KTN1: variants seen among roughly 807,000 people sequenced by gnomAD.
KTN1 encodes kinectin 1.
Under a neutral mutation model 222.5 loss-of-function variants are expected in KTN1, and 130 were observed. The ratio of observed to expected loss-of-function variants is 0.58; its 90% CI spans 0.51 to 0.68. The LOEUF is 0.68. Ranked by LOEUF, KTN1 falls within the 30% of genes least tolerant of loss-of-function variation. The pLI is 0.00. For synonymous variants in KTN1, 512 were observed against 496.3 expected (o/e 1.03, Z -0.42); for missense variants, 1,508 against 1,500.4 (o/e 1.01, Z -0.08).
intron 21 of KTN1, 50 bp from the exon 22 acceptor site, chr14:55,649,726 C>G: frequency 9.5e-7 from 1 of 1,051,592 alleles, no homozygotes; most frequent in Non-Finnish European, 1.4e-6. Context: ...TATTTCTGAC[C>G]CATTTCTATT....
intron 7 of KTN1, among the ~76,000 whole-genome samples, chr14:55,631,658 A>G (rs2040553672): frequency 2.6e-5 from 4 of 152,102 alleles, no homozygotes; most frequent in Admixed American, 2.6e-4. Context: ...TGGCATGCCC[A>G]TGGTCCCAAT....
At chr14:55,603,382 A>G (rs547557457) in intron 1 of KTN1, among the ~76,000 whole-genome samples, 1 of 152,236 alleles carries the variant, frequency 6.6e-6, no homozygotes, top group Non-Finnish European at 1.5e-5. Context: ...TGCTTTGGTC[A>G]AAGTCACCAG....
intron 1 of KTN1, among the ~76,000 whole-genome samples, chr14:55,597,964 G>A (rs1427175266): frequency 2.6e-5 from 4 of 152,262 alleles, no homozygotes; most frequent in East Asian, 1.9e-4. Flanking sequence ...TTTAATTGGT[G>A]TACTTAACTA....
Position 55,612,463 on chromosome 14 carries a change from C to G in KTN1, c.415C>G (p.Pro139Ala). The stretch of plus-strand genomic sequence containing the variant: ...CAAAGAAAGTGACGCATCAAAGATT[C>G]CTGGCAAAAAAGTAGAACCTGTCCC... ...VIKESDASKIPGKKVEPVPVT... is the reference protein window; with the variant it reads ...VIKESDASKIAGKKVEPVPVT... Residue 139 changes from proline (P) to alanine (A), a missense_variant, in exon 2 of 44, where the codon CCT becomes GCT. Coordinates refer to ENST00000395314, the MANE Select transcript of KTN1 (RefSeq NM_001079521.2). 1 of 1,614,028 alleles carries G rather than the reference C, an allele frequency of 6.2e-7. No homozygotes were observed. The highest frequency in any genetic ancestry group is 1.1e-5 in the South Asian group (1 of 91,056).
At position 55,648,026 on chromosome 14, in the gene KTN1, A is replaced by C. The variant is rs2042568239; in HGVS notation, c.2209A>C (p.Ile737Leu). 1.4e-6 allele frequency: 2 copies of C among 1,409,402 alleles called. No homozygotes were observed. Among genetic ancestry groups the C allele is most frequent in the Non-Finnish European group, 1.9e-6 (2 of 1,041,282 alleles). The allele number at this position is 1,409,402 out of a possible 1,614,324, so 87.3% of individuals were successfully genotyped here. ...TGTGTTACAAATTTATAATTTCAGCATTCAAGAAAAAGATGAGAAGTTAAA... is the reference window on the plus strand; with the variant it reads ...TGTGTTACAAATTTATAATTTCAGCCTTCAAGAAAAAGATGAGAAGTTAAA... ...KDVVEQMEKC[I>L]QEKDEKLKTV... is the part of the protein sequence containing the mutation. Residue 737 changes from isoleucine to leucine, a missense_variant and splice_region_variant, in exon 20 of 44, where the codon ATT (isoleucine) becomes CTT (leucine). Transcript: ENST00000395314.
chr14:55,671,508 T>G, intron 35 of KTN1, 58 bp from the exon 36 acceptor site: 1 of 1,297,224 alleles, frequency 7.7e-7, no homozygotes. Context: ...AAAACAAACT[T>G]GAAGCATAAA....
chr14:55,591,014 T>C (rs1157502345), intron 1 of KTN1, among the ~76,000 whole-genome samples: 1 of 152,184 alleles, frequency 6.6e-6, no homozygotes. Flanking sequence ...CTCTAACTCA[T>C]TTGGCTACTT....
chr14:55,667,200 T>C, intron 33 of KTN1, 41 bp from the exon 34 acceptor site: 1 of 1,154,020 alleles, frequency 8.7e-7, no homozygotes, highest in Non-Finnish European at 1.3e-6. Flanking sequence ...AAAAACATTC[T>C]GTGATCTTGT....
At chr14:55,627,432 T>G (rs2039978852) in intron 5 of KTN1, among the ~76,000 whole-genome samples, 1 of 152,186 alleles carries the variant, frequency 6.6e-6, no homozygotes, top group Non-Finnish European at 1.5e-5. Flanking sequence ...TTTTTAATCT[T>G]AGCACCTTTT....
chr14:55,661,680 AT>A, intron 32 of KTN1, 68 bp downstream of exon 32: 27 of 763,286 alleles, frequency 3.5e-5, no homozygotes, highest in South Asian at 1.1e-4. Context: ...TGGTTCAGGA[AT>A]TTTTTTTAAA....
intron 21 of KTN1, 49 bp downstream of exon 21, chr14:55,648,919 T>A: frequency 7.8e-7 from 1 of 1,281,886 alleles, no homozygotes; most frequent in Non-Finnish European, 1.1e-6. Context: ...TTTTTGTTTG[T>A]TTGTTTGTTG....
In KTN1 at chr14:55,646,908, C is replaced by G. The variant is rs376838961; in HGVS notation, c.2173-65C>G. The stretch of plus-strand genomic sequence containing the variant: ...AAACAATTTTCACAAAATTACATTT[C>G]TCATCTGGTTTTACTTCATGCAAAT... On this transcript the variant is annotated intron_variant, in intron 18 of 43. Coordinates refer to ENST00000395314, the MANE Select transcript of KTN1 (RefSeq NM_001079521.2). 3.7e-5 allele frequency: 37 copies of G among 990,102 alleles called. 1 individual carries two copies. In the African/African-American group the frequency reaches 5.5e-4, roughly 15 times the overall value. 61.3% of individuals were successfully genotyped at this position (990,102 alleles called of 1,614,324 possible).
chr14:55,630,714 C>G (rs2040410235), intron 7 of KTN1, among the ~76,000 whole-genome samples: 1 of 152,102 alleles, frequency 6.6e-6, no homozygotes. Context: ...GACTGGGGAG[C>G]CAGTGAAGGA....
At chr14:55,595,540 A>G (rs1183176085) in intron 1 of KTN1, among the ~76,000 whole-genome samples, 2 of 152,232 alleles carry the variant, frequency 1.3e-5, no homozygotes, top group African/African-American at 2.4e-5. Flanking sequence ...CTCATATTCA[A>G]CACATTTGTA....
chr14:55,660,358 A>G (rs1181383442), intron 31 of KTN1, among the ~76,000 whole-genome samples: 2 of 148,054 alleles, frequency 1.4e-5, no homozygotes, highest in East Asian at 2.0e-4. Context: ...AAATACATAC[A>G]TATAGTCTTT....
In KTN1 at chr14:55,680,987, G is replaced by T. The variant is rs997750967; in HGVS notation, c.4069+1302G>T. On this transcript the variant is annotated intron_variant, in intron 43 of 43. Coordinates refer to ENST00000395314, the MANE Select transcript of KTN1 (RefSeq NM_001079521.2). ...CTTATTCTTTCCACTGGCTCCCTCT[G>T]TTCAGTCTTGAAAACATGCTCAGAT... 3.2e-5 allele frequency: 10 copies of T among 311,290 alleles called. No homozygotes were observed. In the East Asian group the frequency reaches 7.8e-4, roughly 24 times the overall value. The allele number at this position is 311,290 out of a possible 1,614,324, so 19.3% of individuals were successfully genotyped here.
At chr14:55,676,521 C>G (rs187581539) in intron 41 of KTN1, among the ~76,000 whole-genome samples, 1 of 152,042 alleles carries the variant, frequency 6.6e-6, no homozygotes, top group Non-Finnish European at 1.5e-5. Flanking sequence ...ATTAGCAAAA[C>G]AAGTGTCACT....
intron 9 of KTN1, among the ~76,000 whole-genome samples, 183 bp from the exon 10 acceptor site, chr14:55,636,266 T>C (rs1008562379): frequency 4.6e-5 from 7 of 152,196 alleles, no homozygotes; most frequent in Admixed American, 2.6e-4. Flanking sequence ...TGGCTATGGC[T>C]GATAAATAAA....
chr14:55,672,481 AT>A (rs1220007985), intron 37 of KTN1, 148 bp from the exon 38 acceptor site: 1 of 551,636 alleles, frequency 1.8e-6, no homozygotes, highest in East Asian at 3.0e-5. Flanking sequence ...AATGTGACTC[AT>A]TTTTAAGGTC....
Sources: gnomAD v4.1 joint callset for allele counts (sites outside exome capture counted in the v4.1 genomes callset) on GRCh38, gnomAD v4.1.1 for gene constraint, MANE v1.5 for transcripts, NCBI Gene and HGNC (gene_info 2026-07-23, HGNC 2026-07-21) for gene names.